ABI3BP: variants seen among roughly 807,000 people sequenced by gnomAD.
ABI3BP encodes the protein target of Nesh-SH3.
In ABI3BP, 216 loss-of-function variants were observed where a neutral mutation model predicts 268.6. The ratio of observed to expected loss-of-function variants is 0.80; its 90% CI spans 0.72 to 0.90. The LOEUF (loss-of-function observed/expected upper bound fraction) is 0.90. Among genes scored for constraint, ABI3BP ranks in the 40% least tolerant of loss-of-function variants. The probability of loss-of-function intolerance (pLI) is 0.00; values close to 1 mark genes in which losing one functional copy is unlikely to be tolerated. For synonymous variants in ABI3BP, 730 were observed against 730.0 expected (o/e 1.00, Z 0.00); for missense variants, 2,090 against 2,182.4 (o/e 0.96, Z 0.84).
chr3:100,794,333 C>A (rs1255904895), intron 54 of ABI3BP, among the ~76,000 whole-genome samples: 2 of 151,898 alleles, frequency 1.3e-5, no homozygotes, highest in Admixed American at 1.3e-4. Context: ...CCTCAATTTT[C>A]TAATCTGTAA....
intron 66 of ABI3BP, 113 bp downstream of exon 66, chr3:100,752,674 T>C (rs1576491654): frequency 1.8e-6 from 2 of 1,141,564 alleles, no homozygotes; most frequent in African/African-American, 3.1e-5. Context: ...GGAAAACTTG[T>C]GTTTACAGCA....
intron 2 of ABI3BP, among the ~76,000 whole-genome samples, chr3:100,924,852 A>T (rs2061356876): frequency 6.6e-6 from 1 of 152,172 alleles, no homozygotes; most frequent in Non-Finnish European, 1.5e-5. Flanking sequence ...CCCAAATTTC[A>T]ATTTATATAA....
intron 51 of ABI3BP, among the ~76,000 whole-genome samples, chr3:100,800,718 A>C (rs1052401040): frequency 4.6e-5 from 7 of 152,142 alleles, no homozygotes; most frequent in Non-Finnish European, 1.0e-4. Context: ...TGACCTCGTG[A>C]TCCTCCCGCC....
chr3:100,866,719 G>A (rs1367277241), intron 10 of ABI3BP, among the ~76,000 whole-genome samples, 160 bp downstream of exon 10: 1 of 152,182 alleles, frequency 6.6e-6, no homozygotes, highest in East Asian at 1.9e-4. Flanking sequence ...TGCAGCTATT[G>A]TTTTCCCAAA....
At chr3:100,772,990 A>G (rs2150010457) in intron 61 of ABI3BP, among the ~76,000 whole-genome samples, 1 of 151,636 alleles carries the variant, frequency 6.6e-6, no homozygotes, top group Non-Finnish European at 1.5e-5. Context: ...AGGCAGGAAA[A>G]TCACTTGAAC....
At chr3:100,959,510 A>G (rs1355196339) in intron 1 of ABI3BP, among the ~76,000 whole-genome samples, 1 of 151,178 alleles carries the variant, frequency 6.6e-6, no homozygotes, top group African/African-American at 2.4e-5. Context: ...AAAAAAAAAA[A>G]AAAAGAATAA....
intron 14 of ABI3BP, among the ~76,000 whole-genome samples, chr3:100,860,994 A>C (rs1389009735): frequency 1.3e-5 from 2 of 152,156 alleles, no homozygotes; most frequent in Admixed American, 1.3e-4. Flanking sequence ...CTGAACCCAG[A>C]GGCTCACTCA....
chr3:100,914,038 A>C (rs1323870759), intron 2 of ABI3BP, among the ~76,000 whole-genome samples: 1 of 152,228 alleles, frequency 6.6e-6, no homozygotes, highest in East Asian at 1.9e-4. Context: ...AAGGAAAAAA[A>C]ATAATTAGAG....
Position 100,847,632 on chromosome 3 carries a change from T to C in ABI3BP, c.1618A>G (p.Lys540Glu). 1.2e-6 allele frequency: 2 copies of C among 1,613,742 alleles called. No homozygotes were observed. The highest frequency in any genetic ancestry group is 8.5e-7 in the Non-Finnish European group (1 of 1,179,668). ...GTTGTCCATGTAGGTTCAGGGCTTTTAGAAATTTTAGGTGTAATTGTTCCG... is the reference window on the plus strand; with the variant it reads ...GTTGTCCATGTAGGTTCAGGGCTTTCAGAAATTTTAGGTGTAATTGTTCCG... Reference protein sequence around the residue: ...SAGTITPKISKSPEPTWTTPA... With the variant: ...SAGTITPKISESPEPTWTTPA... Residue 540 changes from lysine to glutamate, a missense_variant, in exon 19 of 68, where the codon AAA (lysine) becomes GAA (glutamate). Physicochemically the swap from Lys to Glu is moderately conservative, Grantham distance 56. Coordinates refer to ENST00000471714, the MANE Select transcript of ABI3BP (RefSeq NM_001375547.2).
At chr3:100,984,805 C>T (rs1201509596) in intron 1 of ABI3BP, among the ~76,000 whole-genome samples, 1 of 152,014 alleles carries the variant, frequency 6.6e-6, no homozygotes, top group Non-Finnish European at 1.5e-5. Flanking sequence ...CTACCATGTG[C>T]CTCCTGCACT....
intron 26 of ABI3BP, 61 bp from the exon 27 acceptor site, chr3:100,837,232 TG>T: frequency 7.4e-7 from 1 of 1,343,158 alleles, no homozygotes; most frequent in Non-Finnish European, 1.0e-6. Context: ...AACTTTTGGG[TG>T]CTCATTGGTG....
chr3:100,790,250 C>T (rs897362175), intron 55 of ABI3BP, among the ~76,000 whole-genome samples: 1 of 151,954 alleles, frequency 6.6e-6, no homozygotes, highest in African/African-American at 2.4e-5. Context: ...TGAGAACCTG[C>T]TGAGATATTA....
chr3:100,782,154 T>C (rs1028622735), intron 57 of ABI3BP, among the ~76,000 whole-genome samples: 2 of 152,204 alleles, frequency 1.3e-5, no homozygotes, highest in African/African-American at 4.8e-5. Flanking sequence ...CAAGCATGTG[T>C]TATCCAGCCA....
In ABI3BP at chr3:100,815,985, A is replaced by G; in HGVS notation, c.3230-14T>C. 2 of 1,502,618 alleles carry G rather than the reference A, an allele frequency of 1.3e-6. No homozygotes were observed. The highest frequency in any genetic ancestry group is 2.5e-5 in the East Asian group (1 of 40,370). 93.1% of individuals were successfully genotyped at this position (1,502,618 alleles called of 1,614,324 possible). On this transcript the variant is annotated splice_polypyrimidine_tract_variant and intron_variant, in intron 43 of 67. Transcript: ENST00000471714. Reference sequence around the variant, plus strand: ...CTGTAACAGAAACTAACCAAAAGCAACAACATGAATACAAGAAAGCTTAAA... The same window carrying G: ...CTGTAACAGAAACTAACCAAAAGCAGCAACATGAATACAAGAAAGCTTAAA...
intron 39 of ABI3BP, 38 bp from the exon 40 acceptor site, chr3:100,820,341 A>T: frequency 6.7e-7 from 1 of 1,482,370 alleles, no homozygotes. Context: ...CAGAGTCCGT[A>T]GCTCCGAAGC....
chr3:100,956,214 AACACACACACACACACACACAC>A (rs58723365), intron 1 of ABI3BP, among the ~76,000 whole-genome samples: 13 of 133,746 alleles, frequency 9.7e-5, no homozygotes, highest in African/African-American at 2.6e-4. Flanking sequence ...AAAGAAAAAC[AACACACACACACACACACACAC>A]ACACACACAC....
At chr3:100,844,050 A>G (rs2098739869) in intron 20 of ABI3BP, 2 of 981,294 alleles carry the variant, frequency 2.0e-6, no homozygotes, top group Non-Finnish European at 2.4e-6. Context: ...AGTAAAAATA[A>G]ATATATCTTC....
At chr3:100,902,801 G>C in intron 2 of ABI3BP, 115 bp from the exon 3 acceptor site, 1 of 745,648 alleles carries the variant, frequency 1.3e-6, no homozygotes. Flanking sequence ...CGCAGCTCCA[G>C]GGAGTGAGAG....
At chr3:100,986,232 G>C (rs2091715766) in intron 1 of ABI3BP, among the ~76,000 whole-genome samples, 1 of 152,172 alleles carries the variant, frequency 6.6e-6, no homozygotes, top group Non-Finnish European at 1.5e-5. Context: ...GATCCTCAAG[G>C]AATTGAATTC....
Sources: allele counts gnomAD v4.1 joint callset (sites outside exome capture counted in the v4.1 genomes callset), GRCh38; gene constraint gnomAD v4.1.1; transcripts MANE v1.5; gene names NCBI Gene and HGNC (gene_info 2026-07-23, HGNC 2026-07-21).